Variants in USP19 observed in about 807,000 individuals in gnomAD.
USP19 encodes the protein ubiquitin carboxyl-terminal hydrolase 19.
A neutral mutation model predicts 144.8 loss-of-function variants in USP19; 40 were observed. The observed-to-expected ratio is 0.28, with a 90% CI of 0.21 to 0.36. The LOEUF (loss-of-function observed/expected upper bound fraction) is 0.36. USP19 is among the 10% of genes least tolerant of loss of function. USP19 has a pLI of 1.00. For missense variants in USP19, 1,518 were observed against 1,822.5 expected (o/e 0.83, Z 3.04); for synonymous variants, 701 against 709.3 (o/e 0.99, Z 0.19).
chr3:49,118,253 G>T, intron 2 of USP19, 133 bp from the exon 3 acceptor site: 1 of 368,064 alleles, frequency 2.7e-6, no homozygotes, highest in Non-Finnish European at 4.8e-6. Flanking sequence ...GTGCAAGAGT[G>T]AGACCCTGCC....
In USP19 at chr3:49,117,308, A is replaced by G; in HGVS notation, c.660T>C (p.Asn220=). The G allele has an allele frequency of 6.3e-7, 1 of 1,584,812 alleles. No individual in the cohort carries two copies. The highest frequency in any genetic ancestry group is 8.6e-7 in the Non-Finnish European group (1 of 1,163,094). The stretch of plus-strand genomic sequence containing the variant: ...GGGCAATGGGAGACAGTTCCTGCCC[A>G]TTCTCCTGGCACCGCAGCCCCGGCA... The part of the protein sequence containing the change: ...ELVPGLRCQE[N]GQELSPIALE... Residue 220 remains asparagine (N), a synonymous_variant, in exon 6 of 27, where the codon AAT becomes AAC. Coordinates refer to ENST00000417901, the MANE Select transcript of USP19 (RefSeq NM_001199161.2). The surrounding 1 kb of genome is among the most constrained non-coding windows in gnomAD (Gnocchi z 4.4).
In USP19 at chr3:49,116,815, T is replaced by G. The variant is rs770506097; in HGVS notation, c.1038A>C (p.Pro346=). 6.2e-7 allele frequency: 1 copy of G among 1,614,078 alleles called. No individual in the cohort carries two copies. The highest frequency in any genetic ancestry group is 8.5e-7 in the Non-Finnish European group (1 of 1,180,014). ...AVPPGNDPVS[P]AMVRSRNPGK... Reference sequence around the variant, plus strand: ...CAGGGTTTCTGCTCCGGACCATGGCTGGAGAGACTGGGTCATTCCCGGGAG... The same window carrying G: ...CAGGGTTTCTGCTCCGGACCATGGCGGGAGAGACTGGGTCATTCCCGGGAG... The change falls in exon 7 of 27, where the codon CCA becomes CCC. Residue 346 remains proline, a synonymous_variant. Coordinates refer to ENST00000417901, the MANE Select transcript of USP19 (RefSeq NM_001199161.2). This position sits in a 1 kb window ranked among gnomAD's most constrained non-coding sequence, Gnocchi z 5.0.
rs2043926972 is a variant in USP19 at position 49,115,462 on chromosome 3, G to A, written c.1870C>T (p.Leu624Phe). 1 of 1,614,116 alleles carries A rather than the reference G, an allele frequency of 6.2e-7. No individual in the cohort carries two copies. Among genetic ancestry groups the A allele is most frequent in the African/African-American group, 1.3e-5 (1 of 75,058 alleles). ...CCCTCACCATGGAAGAAGTCCCGGA[G>A]TTCCCGAGTGTTGGACAGAGACTGA... ...VIQSLSNTRELRDFFHDRSFE... is the reference protein window; with the variant it reads ...VIQSLSNTREFRDFFHDRSFE... The change falls in exon 12 of 27, where the codon CTC becomes TTC. Residue 624 changes from leucine to phenylalanine, a missense_variant. Leu to Phe is a conservative substitution (Grantham distance 22). Coordinates refer to ENST00000417901, the MANE Select transcript of USP19 (RefSeq NM_001199161.2). The surrounding 1 kb of genome is among the most constrained non-coding windows in gnomAD (Gnocchi z 6.6).
In USP19 at chr3:49,115,634, C is replaced by T; in HGVS notation, c.1698G>A (p.Lys566=). ...PKPETHLASP[K]PTCMVPPMPH... ...GCATGGGAGGCACCATGCATGTAGGCTTGGGCTGCAGGAGCAAAGACGACA... is the reference window on the plus strand; with the variant it reads ...GCATGGGAGGCACCATGCATGTAGGTTTGGGCTGCAGGAGCAAAGACGACA... Residue 566 remains lysine, a synonymous_variant, in exon 12 of 27, where the codon AAG becomes AAA. Coordinates refer to ENST00000417901, the MANE Select transcript of USP19 (RefSeq NM_001199161.2). This position sits in a 1 kb window ranked among gnomAD's most constrained non-coding sequence, Gnocchi z 6.6. 6.2e-7 allele frequency: 1 copy of T among 1,608,132 alleles called. No homozygotes were observed. The highest frequency in any genetic ancestry group is 1.1e-5 in the South Asian group (1 of 90,522).
Position 49,116,273 on chromosome 3 carries a change from C to T in USP19, c.1355+7G>A. 1 of 1,613,478 alleles carries T rather than the reference C, an allele frequency of 6.2e-7. No homozygotes were observed. The highest frequency in any genetic ancestry group is 1.1e-5 in the South Asian group (1 of 91,054). On this transcript the variant is annotated splice_region_variant and intron_variant, in intron 9 of 26. Transcript: ENST00000417901. The surrounding 1 kb of genome is among the most constrained non-coding windows in gnomAD (Gnocchi z 5.0). ...CAGGCACAGTGGTGGGGCCGGGCAC[C>T]ACCCACCTGAGCTTCACCTGCCAAC...
At position 49,110,413 on chromosome 3, in the gene USP19, C is replaced by T; in HGVS notation, c.3859+31G>A. ...ACAAAGTCTGCACCACCACCCCTAC[C>T]ACCTATCCTGCTGGCTGTGTGTGCC... On this transcript the variant is annotated intron_variant, in intron 25 of 26. Transcript: ENST00000417901. The surrounding 1 kb of genome is among the most constrained non-coding windows in gnomAD (Gnocchi z 6.1). 1 of 1,610,182 alleles carries T rather than the reference C, an allele frequency of 6.2e-7. No homozygotes were observed. Among genetic ancestry groups the T allele is most frequent in the South Asian group, 1.1e-5 (1 of 90,624 alleles).
chr3:49,109,021 C>T (rs774752672), intron 26 of USP19: 19 of 1,613,542 alleles, frequency 1.2e-5, no homozygotes, highest in Non-Finnish European at 1.4e-5. Context: ...CCACCAAAGC[C>T]GCCACGGTGC....
Position 49,115,116 on chromosome 3 carries a change from G to C in USP19, c.2024C>G (p.Ala675Gly). The C allele has an allele frequency of 6.2e-7, 1 of 1,613,894 alleles. No individual in the cohort carries two copies. The highest frequency in any genetic ancestry group is 2.2e-5 in the East Asian group (1 of 44,866). Residue 675 changes from alanine to glycine, a missense_variant and splice_region_variant, in exon 14 of 27, where the codon GCC (alanine) becomes GGC (glycine). Ala to Gly is a moderately conservative substitution (Grantham distance 60). Coordinates refer to ENST00000417901, the MANE Select transcript of USP19 (RefSeq NM_001199161.2). This position sits in a 1 kb window ranked among gnomAD's most constrained non-coding sequence, Gnocchi z 6.6. Reference protein sequence around the residue: ...HHAFQPSKLKAIVASKASQFT... With the variant: ...HHAFQPSKLKGIVASKASQFT... ...CTGGCTGGCCTTACTCGCCACAATGGCCTGGATACAGGAGCCAAGGTGTGA... is the reference window on the plus strand; with the variant it reads ...CTGGCTGGCCTTACTCGCCACAATGCCCTGGATACAGGAGCCAAGGTGTGA...
At position 49,110,360 on chromosome 3, in the gene USP19, A is replaced by G; in HGVS notation, c.3862T>C (p.Trp1288Arg). 6.3e-7 allele frequency: 1 copy of G among 1,593,040 alleles called. No individual in the cohort carries two copies. Among genetic ancestry groups the G allele is most frequent in the Non-Finnish European group, 8.6e-7 (1 of 1,167,318 alleles). Residue 1288 changes from tryptophan (W) to arginine (R), a missense_variant and splice_region_variant, in exon 26 of 27, where the codon TGG becomes CGG. Trp to Arg is a moderately radical substitution (Grantham distance 101). Coordinates refer to ENST00000417901, the MANE Select transcript of USP19 (RefSeq NM_001199161.2). This position sits in a 1 kb window ranked among gnomAD's most constrained non-coding sequence, Gnocchi z 6.1. ...ACTGTGCTGTCATCAAACAAGCGCC[A>G]GCCTACAGCAGGGTGGGAAGAGTGT... The part of the protein sequence containing the change: ...DRSSQRSDVG[W>R]RLFDDSTVTT...
At position 49,116,640 on chromosome 3, in the gene USP19, G is replaced by C. The variant is rs1439637550; in HGVS notation, c.1127-33C>G. 4.3e-6 allele frequency: 7 copies of C among 1,613,458 alleles called. No individual in the cohort carries two copies. Among genetic ancestry groups the C allele is most frequent in the Non-Finnish European group, 5.9e-6 (7 of 1,179,730 alleles). On this transcript the variant is annotated intron_variant, in intron 7 of 26. Coordinates refer to ENST00000417901, the MANE Select transcript of USP19 (RefSeq NM_001199161.2). The surrounding 1 kb of genome is among the most constrained non-coding windows in gnomAD (Gnocchi z 5.0). ...GAGACCATGGCTCAGCCCCAACCAG[G>C]ACAGGTTCCAGCCTATTGCTACTCT...
At chr3:49,109,038 C>A in intron 26 of USP19, 7 of 1,613,462 alleles carry the variant, frequency 4.3e-6, no homozygotes, top group Non-Finnish European at 5.1e-6. Flanking sequence ...GTGCCCAGGA[C>A]AAAGTACCGG....
Position 49,110,793 on chromosome 3 carries a change from G to C in USP19, c.3616C>G (p.Leu1206Val). Reference protein sequence around the residue: ...QLLLWRLPNVLIVQLKRFSFR... With the variant: ...QLLLWRLPNVVIVQLKRFSFR... The stretch of plus-strand genomic sequence containing the variant: ...GAGAAGCGCTTGAGCTGCACGATGA[G>C]AACATTTGGCAGGCGCCATAGCAAC... Residue 1206 changes from leucine to valine, a missense_variant, in exon 24 of 27, where the codon CTC becomes GTC. Leu to Val is a conservative substitution (Grantham distance 32, BLOSUM62 1). Transcript: ENST00000417901. The surrounding 1 kb of genome is among the most constrained non-coding windows in gnomAD (Gnocchi z 6.1). 6.2e-7 allele frequency: 1 copy of C among 1,614,232 alleles called. No homozygotes were observed. Among genetic ancestry groups the C allele is most frequent in the Non-Finnish European group, 8.5e-7 (1 of 1,180,052 alleles).
chr3:49,111,031 G>C lies in USP19; in HGVS notation c.3464C>G (p.Ala1155Gly). Residue 1155 changes from alanine to glycine, a missense_variant, in exon 23 of 27, where the codon GCT becomes GGT. Coordinates refer to ENST00000417901, the MANE Select transcript of USP19 (RefSeq NM_001199161.2). This position sits in a 1 kb window ranked among gnomAD's most constrained non-coding sequence, Gnocchi z 5.9. ...CAGGGTGAAGTGGCCGGCCCGGGCA[G>C]CCTCACCGGCAGAGCCTGGATCCTC... is the stretch of plus-strand genomic sequence containing the variant. ...CAEDPGSAGE[A>G]ARAGHFTLDQ... 1 of 1,614,034 alleles carries C rather than the reference G, an allele frequency of 6.2e-7. No individual in the cohort carries two copies. Among genetic ancestry groups the C allele is most frequent in the South Asian group, 1.1e-5 (1 of 91,086 alleles).
At position 49,112,713 on chromosome 3, in the gene USP19, G is replaced by C. The variant is rs535959107; in HGVS notation, c.2506-84C>G. ...CCAGAGTTTAAGAAGGCTTGGCCCTGCCTTGGGTCTATGTGGGCAGTGGTG... is the reference window on the plus strand; with the variant it reads ...CCAGAGTTTAAGAAGGCTTGGCCCTCCCTTGGGTCTATGTGGGCAGTGGTG... On this transcript the variant is annotated intron_variant, in intron 17 of 26. Transcript: ENST00000417901. This position sits in a 1 kb window ranked among gnomAD's most constrained non-coding sequence, Gnocchi z 4.9. 85 of 1,534,426 alleles carry C rather than the reference G, an allele frequency of 5.5e-5. 1 individual carries two copies. The Admixed American group carries it at 5.8e-4, about 10-fold the overall frequency.
chr3:49,113,931 G>A (rs777362584), intron 17 of USP19, 61 bp downstream of exon 17: 40 of 1,540,014 alleles, frequency 2.6e-5, no homozygotes, highest in East Asian at 1.3e-4. Flanking sequence ...CTGTACACAC[G>A]TCTGTGGTGA....
chr3:49,111,043 G>A lies in USP19; in HGVS notation c.3452C>T (p.Ser1151Phe). The change falls in exon 23 of 27, where the codon TCT becomes TTT. Residue 1151 changes from serine to phenylalanine, a missense_variant. Around this residue, in one of 5 missense-constraint regions of USP19, gnomAD observed 413 missense variants for 515.8 expected, o/e 0.80. Coordinates refer to ENST00000417901, the MANE Select transcript of USP19 (RefSeq NM_001199161.2). The surrounding 1 kb of genome is among the most constrained non-coding windows in gnomAD (Gnocchi z 5.9). ...KELECAEDPG[S>F]AGEAARAGHF... ...GCCGGCCCGGGCAGCCTCACCGGCA[G>A]AGCCTGGATCCTCAGCACATTCCAG... 1 of 1,614,042 alleles carries A rather than the reference G, an allele frequency of 6.2e-7. No homozygotes were observed. Among genetic ancestry groups the A allele is most frequent in the Non-Finnish European group, 8.5e-7 (1 of 1,180,026 alleles).
At chr3:49,113,924 T>TAC in intron 17 of USP19, 68 bp downstream of exon 17, 1 of 1,532,178 alleles carries the variant, frequency 6.5e-7, no homozygotes, top group Non-Finnish European at 9.0e-7. Flanking sequence ...CCAATGACTG[T>TAC]ACACACGTCT....
Position 49,110,070 on chromosome 3 carries a change from G to A in USP19, c.4038+114C>T. The A allele has an allele frequency of 7.8e-7, 1 of 1,274,972 alleles. No individual in the cohort carries two copies. Among genetic ancestry groups the A allele is most frequent in the Non-Finnish European group, 1.0e-6 (1 of 967,744 alleles). The allele number at this position is 1,274,972 out of a possible 1,614,324, so 79.0% of individuals were successfully genotyped here. A position where few individuals can be genotyped will look rare whatever the true frequency, so the allele number is the denominator to read the frequency against. ...GTTAAGAGAACTCTGCAATTCTCAT[G>A]AATCCCAAGGCTCAATGGGCCTGTG... On this transcript the variant is annotated intron_variant, in intron 26 of 26. Coordinates refer to ENST00000417901, the MANE Select transcript of USP19 (RefSeq NM_001199161.2). This position sits in a 1 kb window ranked among gnomAD's most constrained non-coding sequence, Gnocchi z 6.1.
chr3:49,116,223 G>A lies in USP19; in HGVS notation c.1355+57C>T. 1 of 1,613,674 alleles carries A rather than the reference G, an allele frequency of 6.2e-7. No homozygotes were observed. The highest frequency in any genetic ancestry group is 2.2e-5 in the East Asian group (1 of 44,870). On this transcript the variant is annotated intron_variant, in intron 9 of 26. Coordinates refer to ENST00000417901, the MANE Select transcript of USP19 (RefSeq NM_001199161.2). The surrounding 1 kb of genome is among the most constrained non-coding windows in gnomAD (Gnocchi z 5.0). ...AATGAGCATCAGGATAGATGAGCCA[G>A]GGAGATGGAGCCCACGGGGTAGGAC...
Sources: gnomAD v4.1 joint callset for allele counts on GRCh38, gnomAD v4.1.1 for gene constraint, gnomAD v4.1.1 regional missense constraint, Gnocchi (gnomAD v3.1) non-coding constraint, MANE v1.5 for transcripts, NCBI Gene and HGNC (gene_info 2026-07-23, HGNC 2026-07-21) for gene names.